The following XPO5 variants were observed in gnomAD, a reference collection of about 807,000 sequenced individuals.
The protein encoded by XPO5 is exportin-5.
A neutral mutation model predicts 160.6 loss-of-function variants in XPO5; 46 were observed. The ratio of observed to expected loss-of-function variants is 0.29; its 90% CI spans 0.23 to 0.37. The LOEUF (loss-of-function observed/expected upper bound fraction) is 0.37. Ranked by LOEUF, XPO5 falls within the 10% of genes least tolerant of loss-of-function variation. The pLI, the probability that XPO5 is intolerant of heterozygous loss-of-function variation, is 1.00. For missense variants in XPO5, 1,090 were observed against 1,463.9 expected, an observed-to-expected ratio of 0.74 and a Z score of 4.17; for synonymous variants, 537 against 519.3, an observed-to-expected ratio of 1.03 and a Z score of -0.46.
intron 23 of XPO5, among the ~76,000 whole-genome samples, chr6:43,529,904 T>C (rs1360672364): frequency 3.6e-5 from 4 of 111,324 alleles, no homozygotes; most frequent in Non-Finnish European, 5.3e-5. Flanking sequence ...ACTGAGACCC[T>C]GTCTCAAAAA....
At chr6:43,526,909 G>A (rs1017635980) in intron 26 of XPO5, 162 bp from the exon 27 acceptor site, 3 of 681,030 alleles carry the variant, frequency 4.4e-6, no homozygotes, top group African/African-American at 3.6e-5. Context: ...TAGAAATAGA[G>A]GCATTCTGAT....
chr6:43,556,027 A>C (rs1762063199), intron 12 of XPO5, 63 bp from the exon 13 acceptor site: 1 of 1,584,304 alleles, frequency 6.3e-7, no homozygotes, highest in Non-Finnish European at 8.6e-7. Context: ...TAAGTACTTA[A>C]TGTTTATTAA....
chr6:43,524,948 G>A lies in XPO5; in HGVS notation c.3195C>T (p.Leu1065=), dbSNP rs760633024. ...TGAAAAGCCACGTAACTGCATCTGC[G>A]AGCAGTGTCCCTGACAGCACCTGGG... ...LLKQVLSGTL[L]ADAVTWLFTS... The change falls in exon 30 of 32, where the codon CTC becomes CTT. Residue 1065 remains leucine, a synonymous_variant. Transcript: ENST00000265351. 8 of 1,613,558 alleles carry A rather than the reference G, an allele frequency of 5.0e-6. No homozygotes were observed. In the Middle Eastern group the frequency reaches 4.9e-4, roughly 100 times the overall value.
In XPO5 at chr6:43,527,650, T is replaced by C; in HGVS notation, c.2904A>G (p.Glu968=). 1 of 1,613,978 alleles carries C rather than the reference T, an allele frequency of 6.2e-7. No individual in the cohort carries two copies. Among genetic ancestry groups the C allele is most frequent in the South Asian group, 1.1e-5 (1 of 91,080 alleles). ...EEQLVRMLTR[E]VMDLITVCCV... is the part of the protein sequence containing the mutation. The stretch of plus-strand genomic sequence containing the variant: ...GCCACTTACTGATTAGGTCCATGAC[T>C]TCTCGGGTTAACATCCTCACCAGTT... Residue 968 remains glutamate (E), a synonymous_variant, in exon 26 of 32, where the codon GAA becomes GAG. Coordinates refer to ENST00000265351, the MANE Select transcript of XPO5 (RefSeq NM_020750.3).
rs753749923 is a variant in XPO5, at chr6:43,553,358, G to A, written c.1572+15C>T. 6.2e-7 allele frequency: 1 copy of A among 1,602,724 alleles called. No homozygotes were observed. Among genetic ancestry groups the A allele is most frequent in the Non-Finnish European group, 8.5e-7 (1 of 1,174,520 alleles). ...CAAAATAATCATGCAGTCAGCATGGGAAATAATTACTTACTTCTCTATTTA... is the reference window on the plus strand; with the variant it reads ...CAAAATAATCATGCAGTCAGCATGGAAAATAATTACTTACTTCTCTATTTA... On this transcript the variant is annotated intron_variant, in intron 14 of 31. Transcript: ENST00000265351.
At chr6:43,550,803 G>C (rs1034657713) in intron 15 of XPO5, among the ~76,000 whole-genome samples, 1 of 152,086 alleles carries the variant, frequency 6.6e-6, no homozygotes, top group African/African-American at 2.4e-5. Flanking sequence ...TCAGGGAGTG[G>C]CTCTATCACC....
chr6:43,565,256 T>C (rs1762638868), intron 8 of XPO5, among the ~76,000 whole-genome samples: 1 of 152,012 alleles, frequency 6.6e-6, no homozygotes, highest in Non-Finnish European at 1.5e-5. Context: ...ACACTGTCGA[T>C]TGACAGCTAG....
rs1290898890 is a variant in XPO5, at chr6:43,562,233, A to C, written c.1011+14T>G. ...ATGGGCTTGAAGCTCTCCAGAAAGC[A>C]AACACTAGCTCACCAGCAATGCACA... On this transcript the variant is annotated intron_variant, in intron 9 of 31. Transcript: ENST00000265351. 6.3e-7 allele frequency: 1 copy of C among 1,594,832 alleles called. No homozygotes were observed. The highest frequency in any genetic ancestry group is 8.5e-7 in the Non-Finnish European group (1 of 1,170,528).
rs1403322446 is a variant in XPO5, at chr6:43,551,329, C to T, written c.1697G>A (p.Arg566Lys). The change falls in exon 15 of 32, where the codon AGA becomes AAA. Residue 566 changes from arginine to lysine, a missense_variant. Arg to Lys is a conservative substitution (Grantham distance 26, BLOSUM62 2). Around this residue, in one of 3 missense-constraint regions of XPO5, gnomAD observed 810 missense variants for 1,139.0 expected, o/e 0.71. Coordinates refer to ENST00000265351, the MANE Select transcript of XPO5 (RefSeq NM_020750.3). ...GAAGACCTGGGGCAGGAACTCTGGT[C>T]TGTAGGTGACAAATGGAAAGAGTGC... Reference protein sequence around the residue: ...VSALFPFVTYRPEFLPQVFSK... With the variant: ...VSALFPFVTYKPEFLPQVFSK... The T allele has an allele frequency of 1.9e-6, 3 of 1,613,602 alleles. No homozygotes were observed. The highest frequency in any genetic ancestry group is 2.5e-6 in the Non-Finnish European group (3 of 1,179,732).
rs1426427634 is a variant in XPO5 at position 43,561,014 on chromosome 6, G to C, written c.1012-7C>G. ...CTACATCAGAATCTGCACCCTGTAG[G>C]AGAAGACCACTATATTAACGGTGTT... On this transcript the variant is annotated splice_polypyrimidine_tract_variant and splice_region_variant and intron_variant, in intron 9 of 31. Transcript: ENST00000265351. 1.2e-6 allele frequency: 2 copies of C among 1,609,580 alleles called. No individual in the cohort carries two copies. The highest frequency in any genetic ancestry group is 2.7e-5 in the African/African-American group (2 of 74,950).
At chr6:43,573,804 A>AATATATATAT (rs57760552) in intron 1 of XPO5, among the ~76,000 whole-genome samples, 1 of 117,198 alleles carries the variant, frequency 8.5e-6, no homozygotes, top group African/African-American at 3.2e-5. Context: ...ATCTCTATTA[A>AATATATATAT]ATATATATAT....
chr6:43,565,979 G>A (rs549651200), intron 7 of XPO5, among the ~76,000 whole-genome samples: 119 of 152,318 alleles, frequency 7.8e-4, no homozygotes, highest in Middle Eastern at 3.4e-3. Context: ...TCGGCAGGCC[G>A]AGTGCGGTGG....
intron 23 of XPO5, chr6:43,529,156 T>G: frequency 7.1e-7 from 1 of 1,416,892 alleles, no homozygotes; most frequent in South Asian, 1.2e-5. Flanking sequence ...GGCTGCACAT[T>G]ATGGTCACTG....
At chr6:43,552,420 T>C (rs535316170) in intron 14 of XPO5, among the ~76,000 whole-genome samples, 1 of 152,074 alleles carries the variant, frequency 6.6e-6, no homozygotes, top group Admixed American at 6.5e-5. Context: ...TGGCGTGATT[T>C]TGGCTCACTG....
chr6:43,549,248 G>C (rs1795113395), intron 17 of XPO5, among the ~76,000 whole-genome samples: 1 of 152,054 alleles, frequency 6.6e-6, no homozygotes, highest in Non-Finnish European at 1.5e-5. Flanking sequence ...ACTTTTAGTA[G>C]AGACCGGACT....
At position 43,546,738 on chromosome 6, in the gene XPO5, T is replaced by C. The variant is rs1419405122; in HGVS notation, c.2175A>G (p.Val725=). 1 of 1,593,496 alleles carries C rather than the reference T, an allele frequency of 6.3e-7. No individual in the cohort carries two copies. Among genetic ancestry groups the C allele is most frequent in the Middle Eastern group, 1.7e-4 (1 of 6,018 alleles). The part of the protein sequence containing the change: ...GLNRARMSFC[V]YSILGVVKRT... ...GTTTCACCACACCCAGAATGCTGTA[T>C]ACACAAAAGCTCATCTATAGAAAAA... The change falls in exon 20 of 32, where the codon GTA becomes GTG. Residue 725 remains valine (V), a synonymous_variant. Coordinates refer to ENST00000265351, the MANE Select transcript of XPO5 (RefSeq NM_020750.3).
At position 43,524,981 on chromosome 6, in the gene XPO5, C is replaced by T. The variant is rs1414067667; in HGVS notation, c.3175-13G>A. 2 of 1,611,842 alleles carry T rather than the reference C, an allele frequency of 1.2e-6. No individual in the cohort carries two copies. The highest frequency in any genetic ancestry group is 1.3e-5 in the African/African-American group (1 of 74,914). The stretch of plus-strand genomic sequence containing the variant: ...TCCCTGACAGCACCTGGGGAGACAA[C>T]TGTGCTTTAGGGCCACAGGGGGCCT... On this transcript the variant is annotated splice_polypyrimidine_tract_variant and intron_variant, in intron 29 of 31. Coordinates refer to ENST00000265351, the MANE Select transcript of XPO5 (RefSeq NM_020750.3).
At chr6:43,529,959 G>A (rs532291140) in intron 23 of XPO5, among the ~76,000 whole-genome samples, 30 of 148,304 alleles carry the variant, frequency 2.0e-4, no homozygotes, top group African/African-American at 6.5e-4. Flanking sequence ...AGGGATAAAA[G>A]TTTTATCTTT....
At chr6:43,544,860 G>C (rs549787647) in intron 20 of XPO5, among the ~76,000 whole-genome samples, 1 of 151,642 alleles carries the variant, frequency 6.6e-6, no homozygotes, top group African/African-American at 2.4e-5. Context: ...GAAATCAAAA[G>C]AAAATATTAT....
Sources: gnomAD v4.1 joint callset for allele counts (sites outside exome capture counted in the v4.1 genomes callset) on GRCh38, gnomAD v4.1.1 for gene constraint, gnomAD v4.1.1 regional missense constraint, MANE v1.5 for transcripts, NCBI Gene and HGNC (gene_info 2026-07-23, HGNC 2026-07-21) for gene names.